The following NSRP1 variants were observed in gnomAD, a reference collection of about 807,000 sequenced individuals.
The protein encoded by NSRP1 is coiled-coil domain containing 55.
Under a neutral mutation model 54.7 loss-of-function variants are expected in NSRP1, and 24 were observed. That is an observed-to-expected ratio of 0.44 (90% CI 0.32 to 0.62). NSRP1 has a LOEUF of 0.62. NSRP1 is among the 20% of genes least tolerant of loss of function. NSRP1 has a pLI of 0.06. For missense variants in NSRP1, 596 were observed against 651.2 expected, an observed-to-expected ratio of 0.92 and a Z score of 0.92; for synonymous variants, 210 against 213.8, an observed-to-expected ratio of 0.98 and a Z score of 0.15.
intron 2 of NSRP1, among the ~76,000 whole-genome samples, chr17:30,166,520 A>G (rs114898603): frequency 2.0e-5 from 3 of 152,232 alleles, no homozygotes; most frequent in East Asian, 1.9e-4. Context: ...AAAATTTTAT[A>G]CAAGTTTATG....
intron 5 of NSRP1, among the ~76,000 whole-genome samples, 156 bp from the exon 6 acceptor site, chr17:30,180,752 A>G (rs1365162447): frequency 3.3e-5 from 5 of 152,238 alleles, no homozygotes; most frequent in Non-Finnish European, 4.4e-5. Context: ...AAATTTATTT[A>G]TGAAAACAGG....
At chr17:30,184,327 T>G (rs1233670898) in intron 6 of NSRP1, among the ~76,000 whole-genome samples, 1 of 152,230 alleles carries the variant, frequency 6.6e-6, no homozygotes, top group Non-Finnish European at 1.5e-5. Flanking sequence ...TACCAAAAAA[T>G]GAAGACCTGT....
intron 2 of NSRP1, among the ~76,000 whole-genome samples, chr17:30,157,744 A>G (rs1283383121): frequency 1.3e-5 from 2 of 152,150 alleles, no homozygotes; most frequent in Non-Finnish European, 2.9e-5. Context: ...GCTCCCACAT[A>G]TGAGTGAGGA....
chr17:30,151,774 CTTTTTTTTTT>C (rs780507533), intron 2 of NSRP1, among the ~76,000 whole-genome samples: 3 of 48,906 alleles, frequency 6.1e-5, no homozygotes, highest in African/African-American at 8.3e-5. Flanking sequence ...TTGTCACTTT[CTTTTTTTTTT>C]TTTTTTTTTT....
At chr17:30,182,805 G>T (rs1307968726) in intron 6 of NSRP1, among the ~76,000 whole-genome samples, 2 of 150,994 alleles carry the variant, frequency 1.3e-5, no homozygotes, top group African/African-American at 4.9e-5. Flanking sequence ...GTGGTGGCGG[G>T]CGCCTGTTGT....
chr17:30,185,341 A>G lies in NSRP1; in HGVS notation c.1344A>G (p.Glu448=), dbSNP rs200205592. 1.5e-4 allele frequency: 243 copies of G among 1,610,912 alleles called. 1 individual carries two copies. The South Asian group carries it at 2.0e-3, about 13-fold the overall frequency. The change falls in exon 7 of 7, where the codon GAA becomes GAG. Residue 448 remains glutamate, a synonymous_variant. Coordinates refer to ENST00000247026, the MANE Select transcript of NSRP1 (RefSeq NM_032141.4). ...GAGAGGTAGGTGTTCAGTCTTCAGA[A>G]AGAAATCAAGACAGAAAGGAAAGCA... The part of the protein sequence containing the change: ...EKREVGVQSS[E]RNQDRKESSP...
At chr17:30,183,813 C>T (rs1417102221) in intron 6 of NSRP1, among the ~76,000 whole-genome samples, 1 of 152,174 alleles carries the variant, frequency 6.6e-6, no homozygotes, top group African/African-American at 2.4e-5. Flanking sequence ...AGGATACACT[C>T]ATGAGAGAGA....
chr17:30,163,485 C>T (rs769644535), intron 2 of NSRP1, among the ~76,000 whole-genome samples: 5 of 151,832 alleles, frequency 3.3e-5, no homozygotes, highest in African/African-American at 4.8e-5. Context: ...TCTGAGCTAA[C>T]GGTAAAGATT....
At chr17:30,126,789 A>G (rs1205574117) in intron 2 of NSRP1, among the ~76,000 whole-genome samples, 1 of 152,180 alleles carries the variant, frequency 6.6e-6, no homozygotes, top group Non-Finnish European at 1.5e-5. Flanking sequence ...GGGTTTCGCC[A>G]TGTTGCCCAG....
At chr17:30,173,984 CAG>C (rs1187941399) in intron 3 of NSRP1, among the ~76,000 whole-genome samples, 10 of 152,256 alleles carry the variant, frequency 6.6e-5, no homozygotes, top group African/African-American at 1.2e-4. Flanking sequence ...ACATAAAAAA[CAG>C]TGATTATTTA....
intron 2 of NSRP1, among the ~76,000 whole-genome samples, chr17:30,164,805 AAG>A (rs1904670532): frequency 6.6e-6 from 1 of 152,194 alleles, no homozygotes; most frequent in Non-Finnish European, 1.5e-5. Flanking sequence ...CTCAAAAAAA[AAG>A]AGAAAAGAAG....
At chr17:30,157,710 A>G (rs80099953) in intron 2 of NSRP1, among the ~76,000 whole-genome samples, 4 of 151,956 alleles carry the variant, frequency 2.6e-5, no homozygotes, top group Admixed American at 1.3e-4. Context: ...TCTATACTCT[A>G]TGTCCATGAG....
rs147082940 is a variant in NSRP1 at position 30,175,211 on chromosome 17, C to T, written c.171+2613C>T. Among the ~76,000 whole-genome samples, 3 of 152,220 alleles carry T rather than the reference C, an allele frequency of 2.0e-5. No individual in the cohort carries two copies. The East Asian group carries it at 5.8e-4, about 29-fold the overall frequency. On this transcript the variant is annotated intron_variant, in intron 3 of 6. Coordinates refer to ENST00000247026, the MANE Select transcript of NSRP1 (RefSeq NM_032141.4). Reference sequence around the variant, plus strand: ...AAGGCTATATGTTTCCCTCTAAGTACTTCTGTAGCTGTATCTTACAGATTT... The same window carrying T: ...AAGGCTATATGTTTCCCTCTAAGTATTTCTGTAGCTGTATCTTACAGATTT...
At chr17:30,159,952 G>A (rs1032998081) in intron 2 of NSRP1, among the ~76,000 whole-genome samples, 13 of 152,128 alleles carry the variant, frequency 8.5e-5, no homozygotes, top group East Asian at 1.9e-4. Flanking sequence ...GTAAGCCATC[G>A]TGCCCGGCCA....
intron 2 of NSRP1, chr17:30,150,056 T>C (rs1489475426): frequency 6.6e-6 from 1 of 152,186 alleles, no homozygotes; most frequent in Non-Finnish European, 1.5e-5. Flanking sequence ...AATGGAATAA[T>C]ATAATGTAAT....
At chr17:30,151,392 T>C (rs151229882) in intron 2 of NSRP1, among the ~76,000 whole-genome samples, 2 of 152,342 alleles carry the variant, frequency 1.3e-5, no homozygotes, top group African/African-American at 4.8e-5. Flanking sequence ...AGAAGCCTCG[T>C]TGATAAACAG....
At chr17:30,184,564 A>G in intron 6 of NSRP1, 51 bp from the exon 7 acceptor site, 1 of 1,512,814 alleles carries the variant, frequency 6.6e-7, no homozygotes, top group Admixed American at 2.3e-5. Flanking sequence ...TGCTTATTAC[A>G]ACTGATAATG....
intron 2 of NSRP1, among the ~76,000 whole-genome samples, chr17:30,139,977 T>TC (rs1233149801): frequency 6.6e-6 from 1 of 152,064 alleles, no homozygotes; most frequent in African/African-American, 2.4e-5. Flanking sequence ...TGAACCGAGA[T>TC]CGCACCACTG....
chr17:30,139,463 G>C (rs1276881241), intron 2 of NSRP1, among the ~76,000 whole-genome samples: 1 of 152,038 alleles, frequency 6.6e-6, no homozygotes, highest in African/African-American at 2.4e-5. Flanking sequence ...GTTTCATTAA[G>C]TTTTCTGTTT....
Sources: allele counts gnomAD v4.1 joint callset (sites outside exome capture counted in the v4.1 genomes callset), GRCh38; gene constraint gnomAD v4.1.1; transcripts MANE v1.5; gene names NCBI Gene and HGNC (gene_info 2026-07-23, HGNC 2026-07-21).